The following CSMD3 variants were observed in gnomAD, a reference collection of about 807,000 sequenced individuals.
CSMD3 encodes the protein CUB and sushi domain-containing protein 3.
In CSMD3, 177 loss-of-function variants were observed where a neutral mutation model predicts 435.2. The ratio of observed to expected loss-of-function variants is 0.41; its 90% CI spans 0.36 to 0.46. The LOEUF (loss-of-function observed/expected upper bound fraction) is 0.46, where lower values mean the gene tolerates loss of function less well. CSMD3 is among the 20% of genes least tolerant of loss of function. CSMD3 has a pLI of 0.34. For synonymous variants in CSMD3, 1,656 were observed against 1,520.5 expected, an observed-to-expected ratio of 1.09 and a Z score of -2.07; for missense variants, 4,265 against 4,504.6, an observed-to-expected ratio of 0.95 and a Z score of 1.52.
intron 23 of CSMD3, among the ~76,000 whole-genome samples, chr8:112,575,249 G>A (rs1219585203): frequency 6.6e-6 from 1 of 151,886 alleles, no homozygotes; most frequent in Non-Finnish European, 1.5e-5. Flanking sequence ...GAAATTCTAA[G>A]TCTCCACTGA....
At chr8:112,394,786 C>T (rs1830728377) in intron 35 of CSMD3, among the ~76,000 whole-genome samples, 1 of 152,126 alleles carries the variant, frequency 6.6e-6, no homozygotes, top group Non-Finnish European at 1.5e-5. Flanking sequence ...TGACTTTTGT[C>T]CTCCTCCAGT....
chr8:112,833,315 C>G (rs539899735), intron 11 of CSMD3, among the ~76,000 whole-genome samples: 108 of 151,854 alleles, frequency 7.1e-4, no homozygotes, highest in Non-Finnish European at 1.3e-3. Context: ...ATTTGGATCT[C>G]TAAATATATT....
intron 13 of CSMD3, among the ~76,000 whole-genome samples, chr8:112,763,032 G>A (rs1035910529): frequency 2.0e-5 from 3 of 151,632 alleles, no homozygotes; most frequent in African/African-American, 7.3e-5. Context: ...AAAATGCTAC[G>A]AGAGTAGATT....
chr8:112,544,382 T>A (rs1441344277), intron 27 of CSMD3, among the ~76,000 whole-genome samples: 1 of 152,178 alleles, frequency 6.6e-6, no homozygotes, highest in East Asian at 1.9e-4. Flanking sequence ...TTCAATCTGA[T>A]CCATATTTTG....
At chr8:113,255,605 GA>G (rs1325835155) in intron 3 of CSMD3, among the ~76,000 whole-genome samples, 1 of 151,900 alleles carries the variant, frequency 6.6e-6, no homozygotes, top group African/African-American at 2.4e-5. Flanking sequence ...TATTAGCCTT[GA>G]ATTGTTACTT....
At chr8:113,234,375 T>C (rs138397401) in intron 3 of CSMD3, among the ~76,000 whole-genome samples, 17 of 152,218 alleles carry the variant, frequency 1.1e-4, no homozygotes, top group South Asian at 2.1e-4. Flanking sequence ...GCCTGCACAA[T>C]AGATATCAAC....
At chr8:113,082,852 G>GA (rs2089620405) in intron 5 of CSMD3, among the ~76,000 whole-genome samples, 1 of 152,070 alleles carries the variant, frequency 6.6e-6, no homozygotes, top group Non-Finnish European at 1.5e-5. Context: ...TCAAGCAGGA[G>GA]AAAAAATTTC....
At chr8:113,276,861 T>C (rs118148292) in intron 3 of CSMD3, among the ~76,000 whole-genome samples, 3,891 of 152,084 alleles carry the variant, frequency 0.026, 79 homozygotes, top group Middle Eastern at 0.061. Context: ...ATGCCAAACA[T>C]ACATTTAAAT....
chr8:113,189,353 A>G (rs188624890), intron 3 of CSMD3, among the ~76,000 whole-genome samples: 5 of 151,712 alleles, frequency 3.3e-5, no homozygotes, highest in Non-Finnish European at 5.9e-5. Flanking sequence ...ACTGCAGACA[A>G]TTTTTCCTGA....
At chr8:112,536,694 A>G (rs573894480) in intron 27 of CSMD3, among the ~76,000 whole-genome samples, 13 of 149,894 alleles carry the variant, frequency 8.7e-5, no homozygotes, top group Non-Finnish European at 1.8e-4. Flanking sequence ...ACTATAATTC[A>G]TGCTGCTATA....
intron 4 of CSMD3, among the ~76,000 whole-genome samples, chr8:113,164,284 T>G (rs2092105706): frequency 6.6e-6 from 1 of 151,894 alleles, no homozygotes; most frequent in Non-Finnish European, 1.5e-5. Context: ...TCAACTGCTT[T>G]TTTAGAGTTA....
chr8:113,299,735 C>T lies in CSMD3; in HGVS notation c.401+14836G>A, dbSNP rs530743326. ...AACAGCTGGGCACAGTGGCTCATGC[C>T]TGTAATCCTAGAACTTTGTGAAGCT... On this transcript the variant is annotated intron_variant, in intron 2 of 70. Transcript: ENST00000297405. Among the ~76,000 whole-genome samples, 151 of 152,246 alleles carry T rather than the reference C, an allele frequency of 9.9e-4. 1 individual carries two copies. The highest frequency in any genetic ancestry group is 3.4e-3 in the Middle Eastern group (1 of 294).
chr8:112,911,739 T>C (rs1452509231), intron 10 of CSMD3, among the ~76,000 whole-genome samples: 1 of 145,860 alleles, frequency 6.9e-6, no homozygotes, highest in African/African-American at 2.5e-5. Flanking sequence ...ATGTATTATA[T>C]TATGTATACA....
At chr8:112,325,022 C>T (rs567998980) in intron 45 of CSMD3, among the ~76,000 whole-genome samples, 2 of 152,044 alleles carry the variant, frequency 1.3e-5, no homozygotes, top group African/African-American at 2.4e-5. Flanking sequence ...TTCATCCCCA[C>T]CTATTAACCA....
chr8:113,030,892 G>T (rs2087080792), intron 5 of CSMD3, among the ~76,000 whole-genome samples: 1 of 151,404 alleles, frequency 6.6e-6, no homozygotes, highest in Non-Finnish European at 1.5e-5. Flanking sequence ...ATTTACAGAT[G>T]GCAAATAGTT....
chr8:113,228,069 T>A (rs1235500090), intron 3 of CSMD3, among the ~76,000 whole-genome samples: 1 of 151,532 alleles, frequency 6.6e-6, no homozygotes, highest in East Asian at 1.9e-4. Context: ...TTTTGCCTTG[T>A]TTTTTGGTAT....
chr8:112,910,980 A>G (rs1299686068), intron 10 of CSMD3, among the ~76,000 whole-genome samples: 3 of 151,902 alleles, frequency 2.0e-5, no homozygotes, highest in Non-Finnish European at 2.9e-5. Context: ...TGGTATCATG[A>G]CACCATTCTC....
intron 1 of CSMD3, among the ~76,000 whole-genome samples, chr8:113,347,698 G>A (rs2094161324): frequency 6.6e-6 from 1 of 152,138 alleles, no homozygotes; most frequent in Non-Finnish European, 1.5e-5. Context: ...TTTAACGGCA[G>A]TGACAGTCCA....
At chr8:113,418,310 G>T (rs1588692178) in intron 1 of CSMD3, among the ~76,000 whole-genome samples, 1 of 152,130 alleles carries the variant, frequency 6.6e-6, no homozygotes, top group East Asian at 1.9e-4. Flanking sequence ...ATTTTTGCAA[G>T]ATGAATATTC....
Sources: gnomAD v4.1 joint callset for allele counts (sites outside exome capture counted in the v4.1 genomes callset) on GRCh38, gnomAD v4.1.1 for gene constraint, MANE v1.5 for transcripts, NCBI Gene and HGNC (gene_info 2026-07-23, HGNC 2026-07-21) for gene names.